Variants in INTS6 observed in about 807,000 individuals in gnomAD.
INTS6 encodes integrator complex subunit 6.
A neutral mutation model predicts 104.9 loss-of-function variants in INTS6; 16 were observed. That is an observed-to-expected ratio of 0.15 (90% CI 0.10 to 0.23). INTS6 has a LOEUF of 0.23. Ranked by LOEUF, INTS6 falls within the 10% of genes least tolerant of loss-of-function variation. The pLI, the probability that INTS6 is intolerant of heterozygous loss-of-function variation, is 1.00. For synonymous variants in INTS6, 324 were observed against 358.7 expected (o/e 0.90, Z 1.09); for missense variants, 584 against 1,062.8 (o/e 0.55, Z 6.26).
intron 15 of INTS6, among the ~76,000 whole-genome samples, chr13:51,369,707 G>C (rs1955768712): frequency 6.6e-6 from 1 of 152,028 alleles, no homozygotes; most frequent in African/African-American, 2.4e-5. Flanking sequence ...TATACATCTG[G>C]TATCATTTAG....
chr13:51,446,766 T>C (rs558053402), intron 3 of INTS6: 1 of 152,306 alleles, frequency 6.6e-6, no homozygotes, highest in South Asian at 2.1e-4. Context: ...TAAATGAATG[T>C]TGAGAACATT....
chr13:51,430,458 C>G, intron 3 of INTS6, 75 bp from the exon 4 acceptor site: 1 of 1,059,518 alleles, frequency 9.4e-7, no homozygotes, highest in Non-Finnish European at 1.4e-6. Context: ...ATTCTCAGAA[C>G]AGCATATATA....
At chr13:51,375,758 T>A (rs1228678700) in intron 13 of INTS6, among the ~76,000 whole-genome samples, 1 of 151,118 alleles carries the variant, frequency 6.6e-6, no homozygotes, top group Non-Finnish European at 1.5e-5. Context: ...TGTGTGTGTG[T>A]GTGTGTGTGC....
chr13:51,450,538 G>A (rs1953017555), intron 3 of INTS6: 1 of 985,446 alleles, frequency 1.0e-6, no homozygotes, highest in Non-Finnish European at 1.2e-6. Context: ...TTCTCAGCCA[G>A]TGACTGTACT....
Position 51,382,087 on chromosome 13 carries a change from A to G in INTS6, c.1217T>C (p.Leu406Ser). 1 of 1,612,022 alleles carries G rather than the reference A, an allele frequency of 6.2e-7. No individual in the cohort carries two copies. Among genetic ancestry groups the G allele is most frequent in the Non-Finnish European group, 8.5e-7 (1 of 1,178,834 alleles). The change falls in exon 10 of 18, where the codon TTG (leucine) becomes TCG (serine). Residue 406 changes from leucine to serine, a missense_variant. Physicochemically the swap from Leu to Ser is moderately radical, Grantham distance 145. This residue lies in a region of INTS6 where 144 missense variants were observed against 348.7 expected (regional missense o/e 0.41). Coordinates refer to ENST00000311234, the MANE Select transcript of INTS6 (RefSeq NM_012141.3). ...LFKVHKAKPT[L>S]KWRQSFESYL... ...ACTTTCAAATGACTGTCTCCACTTC[A>G]ATGTTGGTTTTGCTTTATGCACTTT...
chr13:51,362,085 C>A lies in INTS6; in HGVS notation c.*3667G>T. 6.5e-7 allele frequency: 1 copy of A among 1,528,214 alleles called. No individual in the cohort carries two copies. Among genetic ancestry groups the A allele is most frequent in the East Asian group, 2.4e-5 (1 of 41,982 alleles). 94.7% of individuals were successfully genotyped at this position (1,528,214 alleles called of 1,614,324 possible). A position where few individuals can be genotyped will look rare whatever the true frequency, so the allele number is the denominator to read the frequency against. Reference sequence around the variant, plus strand: ...TTTCGTAAGTACAAAGGAAACTTATCCTCCATGTTTTTTACCTTCTCATTC... The same window carrying A: ...TTTCGTAAGTACAAAGGAAACTTATACTCCATGTTTTTTACCTTCTCATTC... On this transcript the variant is annotated 3_prime_UTR_variant, in exon 18 of 18. Transcript: ENST00000311234.
the INTS6 span, among the ~76,000 whole-genome samples, chr13:51,347,459 G>T: frequency 6.6e-6 from 1 of 152,170 alleles, no homozygotes; most frequent in Admixed American, 6.5e-5. Flanking sequence ...CACAGATGTG[G>T]AAGAGAAACT....
At chr13:51,352,808 T>C (rs999943278), downstream of INTS6, among the ~76,000 whole-genome samples, 1 of 152,190 alleles carries the variant, frequency 6.6e-6, no homozygotes, top group Non-Finnish European at 1.5e-5. Flanking sequence ...TTTTTAGTCA[T>C]GAAAGGGTGT....
chr13:51,351,680 G>A (rs558833216), downstream of INTS6, among the ~76,000 whole-genome samples: 65 of 152,104 alleles, frequency 4.3e-4, no homozygotes, highest in African/African-American at 1.3e-3. Flanking sequence ...TTGCGCTTTC[G>A]ATGCCATATT....
At chr13:51,339,070 C>T in the INTS6 span, among the ~76,000 whole-genome samples, 1 of 152,318 alleles carries the variant, frequency 6.6e-6, no homozygotes, top group East Asian at 1.9e-4. Context: ...AACATGGTCT[C>T]TTTCTCAAAT....
downstream of INTS6, chr13:51,361,336 G>C: frequency 6.2e-7 from 1 of 1,609,952 alleles, no homozygotes; most frequent in Non-Finnish European, 8.5e-7. Context: ...AAGTTTTGGA[G>C]GAAGGCACCA....
chr13:51,448,842 T>C (rs1952978012), intron 3 of INTS6: 1 of 152,304 alleles, frequency 6.6e-6, no homozygotes, highest in South Asian at 2.1e-4. Context: ...GATCCTAGTA[T>C]AGAGCAGGAA....
chr13:51,393,057 C>T (rs576164288), intron 5 of INTS6, among the ~76,000 whole-genome samples: 1 of 151,486 alleles, frequency 6.6e-6, no homozygotes, highest in African/African-American at 2.4e-5. Flanking sequence ...TACACAAATA[C>T]ACACATAAAC....
At chr13:51,443,548 AAAG>A (rs1952836950) in intron 3 of INTS6, 2 of 152,254 alleles carry the variant, frequency 1.3e-5, no homozygotes, top group African/African-American at 4.8e-5. Context: ...AAACAAAAAT[AAAG>A]TTTATATAAG....
intron 4 of INTS6, among the ~76,000 whole-genome samples, chr13:51,420,756 TAAA>T (rs75997381): frequency 3.2e-5 from 4 of 125,872 alleles, no homozygotes; most frequent in African/African-American, 8.7e-5. Context: ...CTAGCTAAAT[TAAA>T]AAAAAAAAAA....
At chr13:51,346,080 A>G in the INTS6 span, among the ~76,000 whole-genome samples, 1 of 152,232 alleles carries the variant, frequency 6.6e-6, no homozygotes, top group Admixed American at 6.5e-5. Context: ...GAATAATAAT[A>G]GAACTGTTAG....
intron 4 of INTS6, among the ~76,000 whole-genome samples, chr13:51,429,882 T>C (rs1420945766): frequency 1.3e-5 from 2 of 151,066 alleles, no homozygotes; most frequent in African/African-American, 2.4e-5. Context: ...ACACCTCTTC[T>C]TGGCTTTGCT....
downstream of INTS6, chr13:51,361,385 G>C (rs370404675): frequency 7.0e-7 from 1 of 1,438,700 alleles, no homozygotes. Context: ...AGAATACCCA[G>C]TCACACTGCT....
intron 3 of INTS6, chr13:51,450,784 A>T: frequency 8.8e-7 from 1 of 1,135,122 alleles, no homozygotes; most frequent in Non-Finnish European, 1.1e-6. Context: ...AATGTATGTC[A>T]ACTTTATAGC....
Sources: allele counts gnomAD v4.1 joint callset (sites outside exome capture counted in the v4.1 genomes callset), GRCh38; gene constraint gnomAD v4.1.1; regional missense constraint gnomAD v4.1.1; transcripts MANE v1.5; gene names NCBI Gene and HGNC (gene_info 2026-07-23, HGNC 2026-07-21).